LAMA4: variants seen among roughly 807,000 people sequenced by gnomAD.
LAMA4 encodes the protein laminin subunit alpha-4.
In LAMA4, 127 loss-of-function variants were observed where a neutral mutation model predicts 207.1. The ratio of observed to expected loss-of-function variants is 0.61; its 90% confidence interval spans 0.53 to 0.71. The LOEUF (loss-of-function observed/expected upper bound fraction) is 0.71. Ranked by LOEUF, LAMA4 falls within the 30% of genes least tolerant of loss-of-function variation. The pLI is 0.00. For synonymous variants in LAMA4, 761 were observed against 816.0 expected, an observed-to-expected ratio of 0.93 and a Z score of 1.15; for missense variants, 2,093 against 2,246.5, an observed-to-expected ratio of 0.93 and a Z score of 1.38.
At chr6:112,218,405 C>T (rs1358161773) in intron 2 of LAMA4, 1 of 152,144 alleles carries the variant, frequency 6.6e-6, no homozygotes, top group East Asian at 1.9e-4. Flanking sequence ...TGATATTTGG[C>T]CAGGTTTGGA....
At chr6:112,250,096 G>T (rs1396087987) in intron 2 of LAMA4, among the ~76,000 whole-genome samples, 2 of 152,134 alleles carry the variant, frequency 1.3e-5, no homozygotes, top group African/African-American at 2.4e-5. Context: ...CTTGTTGGGT[G>T]AATAAATGAA....
At chr6:112,184,903 G>T (rs1368392483) in intron 9 of LAMA4, among the ~76,000 whole-genome samples, 1 of 151,910 alleles carries the variant, frequency 6.6e-6, no homozygotes, top group Non-Finnish European at 1.5e-5. Flanking sequence ...TTTAATTCTG[G>T]ATGCTCTGTA....
At position 112,139,690 on chromosome 6, in the gene LAMA4, T is replaced by C. The variant is rs1779569766; in HGVS notation, c.3110+62A>G. 3.1e-6 allele frequency: 5 copies of C among 1,588,828 alleles called. No homozygotes were observed. The African/African-American group carries it at 5.4e-5, about 17-fold the overall frequency. ...TGAGAACCTGAATATTGACTCATAC[T>C]TGTTCTATCTGCTGCTCTTGCATGA... is the stretch of plus-strand genomic sequence containing the variant. On this transcript the variant is annotated intron_variant, in intron 23 of 38. Transcript: ENST00000230538.
chr6:112,213,184 T>A (rs1239132798), intron 3 of LAMA4, among the ~76,000 whole-genome samples: 1 of 152,342 alleles, frequency 6.6e-6, no homozygotes, highest in East Asian at 1.9e-4. Context: ...ATTCTAGTTC[T>A]GGTCATTGGG....
intron 12 of LAMA4, among the ~76,000 whole-genome samples, chr6:112,167,733 C>T (rs1227785361): frequency 6.6e-6 from 1 of 151,988 alleles, no homozygotes; most frequent in Non-Finnish European, 1.5e-5. Flanking sequence ...ATAGATGTAA[C>T]AAATGCAAGT....
Position 112,253,985 on chromosome 6 carries a change from C to G in LAMA4, c.166G>C (p.Ala56Pro), listed in dbSNP as rs1554190465. The G allele has an allele frequency of 6.3e-7, 1 of 1,586,504 alleles. No individual in the cohort carries two copies. The highest frequency in any genetic ancestry group is 1.1e-5 in the South Asian group (1 of 88,338). Residue 56 changes from alanine to proline, a missense_variant, in exon 2 of 39, where the codon GCT becomes CCT. Ala to Pro is a conservative substitution (Grantham distance 27). Transcript: ENST00000230538. ...GCCGCAGGCGGCAGGCGTCCCAGAG[C>G]CACGCGGGGTTCGCTCGTCTCAGGC... ...DPPETSEPRV[A>P]LGRLPPAAEK... is the part of the protein sequence containing the mutation.
chr6:112,178,234 T>C lies in LAMA4; in HGVS notation c.1078-2A>G. The C allele has an allele frequency of 1.9e-6, 3 of 1,603,808 alleles. No homozygotes were observed. The highest frequency in any genetic ancestry group is 1.1e-5 in the South Asian group (1 of 90,840). On this transcript the variant is annotated splice_acceptor_variant, in intron 9 of 38. Transcript: ENST00000230538. LOFTEE classifies it high-confidence loss of function. ...TCCTTTTCTGGAGGCTTGATTTTCC[T>C]ACAAATAATCCGTATAAAGGCTAGA...
Position 112,172,622 on chromosome 6 carries a change from G to A in LAMA4, c.1540C>T (p.Arg514Trp), listed in dbSNP as rs782767592. 1.2e-5 allele frequency: 20 copies of A among 1,612,596 alleles called. No homozygotes were observed. In the African/African-American group the frequency reaches 1.3e-4, roughly 11 times the overall value. Reference sequence around the variant, plus strand: ...AGTGTCCGCTGTACCTCATGGTCCCGCTGCCTGGCTGCTGTGGCCCTGTTC... The same window carrying A: ...AGTGTCCGCTGTACCTCATGGTCCCACTGCCTGGCTGCTGTGGCCCTGTTC... ...DMNRATAARQ[R>W]DHEKQQERVR... The change falls in exon 12 of 39, where the codon CGG becomes TGG. Residue 514 changes from arginine to tryptophan, a missense_variant. By Grantham distance (101) the Arg-to-Trp change is moderately radical. Coordinates refer to ENST00000230538, the MANE Select transcript of LAMA4 (RefSeq NM_001105206.3).
intron 5 of LAMA4, among the ~76,000 whole-genome samples, chr6:112,196,150 G>A (rs1783406792): frequency 6.6e-6 from 1 of 152,000 alleles, no homozygotes; most frequent in African/African-American, 2.4e-5. Flanking sequence ...TCATCACCTA[G>A]AACATTTATC....
chr6:112,195,777 G>A (rs880003269), intron 5 of LAMA4, among the ~76,000 whole-genome samples: 11 of 152,120 alleles, frequency 7.2e-5, no homozygotes, highest in Non-Finnish European at 1.3e-4. Context: ...GAGGCAGTGT[G>A]GAATACTGAA....
chr6:112,136,167 C>A lies in LAMA4; in HGVS notation c.3370G>T (p.Asp1124Tyr). 1 of 1,612,792 alleles carries A rather than the reference C, an allele frequency of 6.2e-7. No individual in the cohort carries two copies. Among genetic ancestry groups the A allele is most frequent in the South Asian group, 1.1e-5 (1 of 91,058 alleles). Reference sequence around the variant, plus strand: ...TTAATTTGAGCTTTCTTTAACGTATCTTCAAGATGCACAGGGCCACCGCTG... The same window carrying A: ...TTAATTTGAGCTTTCTTTAACGTATATTCAAGATGCACAGGGCCACCGCTG... The part of the protein sequence containing the change: ...GFSGGPVHLE[D>Y]TLKKAQINDA... The change falls in exon 25 of 39, where the codon GAT (aspartate) becomes TAT (tyrosine). Residue 1124 changes from aspartate (D) to tyrosine (Y), a missense_variant. By Grantham distance (160) the Asp-to-Tyr change is radical. Transcript: ENST00000230538.
rs1554190483 is a variant in LAMA4, at chr6:112,254,022, G to A, written c.129C>T (p.Gly43=). The part of the protein sequence containing the change: ...PFDIEGSSAV[G]RQDPPETSEP... ...CGCTCGTCTCAGGCGGGTCTTGCCT[G>A]CCAACCGCTGAGCTCCCTTCAATGT... The change falls in exon 2 of 39, where the codon GGC becomes GGT. Residue 43 remains glycine (G), a synonymous_variant. Coordinates refer to ENST00000230538, the MANE Select transcript of LAMA4 (RefSeq NM_001105206.3). The A allele has an allele frequency of 6.3e-7, 1 of 1,591,058 alleles. No homozygotes were observed. The highest frequency in any genetic ancestry group is 1.1e-5 in the South Asian group (1 of 88,440).
chr6:112,130,947 A>G (rs879965087), intron 29 of LAMA4, 21 bp downstream of exon 29: 1 of 1,611,370 alleles, frequency 6.2e-7, no homozygotes, highest in East Asian at 2.2e-5. Flanking sequence ...GGTGGAAAGA[A>G]TATGAAGTGA....
In LAMA4 at chr6:112,254,292, CT is replaced by C; in HGVS notation, c.-141-2del. 9.9e-7 allele frequency: 1 copy of C among 1,006,698 alleles called. No homozygotes were observed. Among genetic ancestry groups the C allele is most frequent in the Non-Finnish European group, 1.5e-6 (1 of 658,468 alleles). 62.4% of individuals were successfully genotyped at this position (1,006,698 alleles called of 1,614,324 possible). ...CCCGAGGTGGCTGCGCAACCAGCAG[CT>C]TAGGAAATAAAGGGAAAGTGCGAGA... On this transcript the variant is annotated splice_acceptor_variant, in intron 1 of 38. Coordinates refer to ENST00000230538, the MANE Select transcript of LAMA4 (RefSeq NM_001105206.3). LOFTEE classifies it low-confidence loss of function (5UTR_SPLICE).
Position 112,190,656 on chromosome 6 carries a change from G to A in LAMA4, c.718+980C>T, listed in dbSNP as rs577193498. ...GCAAATGGATGAATAAGATCTGTGC[G>A]TTTCAGTCTAACTGAAGCCTAACCA... is the stretch of plus-strand genomic sequence containing the variant. On this transcript the variant is annotated intron_variant, in intron 6 of 38. Transcript: ENST00000230538. Among the ~76,000 whole-genome samples the A allele has an allele frequency of 2.5e-4, 38 of 152,274 alleles. No homozygotes were observed. The South Asian group carries it at 5.2e-3, about 21-fold the overall frequency.
chr6:112,161,296 T>C (rs782604182), intron 13 of LAMA4, among the ~76,000 whole-genome samples: 2 of 152,212 alleles, frequency 1.3e-5, no homozygotes, highest in Non-Finnish European at 2.9e-5. Context: ...ACTCATCACA[T>C]CATACAATCC....
chr6:112,140,969 A>C, intron 21 of LAMA4, 47 bp from the exon 22 acceptor site: 1 of 1,524,502 alleles, frequency 6.6e-7, no homozygotes, highest in Non-Finnish European at 9.1e-7. Context: ...ATTCATAGAA[A>C]ATACTTTTTA....
intron 16 of LAMA4, among the ~76,000 whole-genome samples, chr6:112,150,893 A>G (rs113062021): frequency 1.7e-3 from 256 of 152,336 alleles, no homozygotes; most frequent in African/African-American, 6.0e-3. Context: ...TAGCCCTGCC[A>G]TGACTAATAA....
rs1779920846 is a variant in LAMA4, at chr6:112,144,799, T to C, written c.2488A>G (p.Ser830Gly). Reference protein sequence around the residue: ...ELIAQTRSVASKIQVSMMFDG... With the variant: ...ELIAQTRSVAGKIQVSMMFDG... ...TGAGTCTTTTCATCAGTTACCTTGC[T>C]GGCAACACTTCTGGTCTGAGCAATG... Residue 830 changes from serine (S) to glycine (G), a missense_variant, in exon 19 of 39, where the codon AGC becomes GGC. By Grantham distance (56) the Ser-to-Gly change is moderately conservative (BLOSUM62 0). Transcript: ENST00000230538. 5.0e-6 allele frequency: 8 copies of C among 1,613,474 alleles called. No individual in the cohort carries two copies. Among genetic ancestry groups the C allele is most frequent in the Non-Finnish European group, 6.8e-6 (8 of 1,179,996 alleles).
Sources: allele counts gnomAD v4.1 joint callset (sites outside exome capture counted in the v4.1 genomes callset), GRCh38; gene constraint gnomAD v4.1.1; transcripts MANE v1.5; gene names NCBI Gene and HGNC (gene_info 2026-07-23, HGNC 2026-07-21).